Variants in MR1 observed in about 807,000 individuals in gnomAD.
The protein encoded by MR1 is major histocompatibility complex class I-related protein 1.
Under a neutral mutation model 37.8 loss-of-function variants are expected in MR1, and 44 were observed. The observed-to-expected ratio is 1.16, with a 90% CI of 0.91 to 1.50. The LOEUF (loss-of-function observed/expected upper bound fraction) is 1.50. Among genes scored for constraint, MR1 ranks in the 40% most tolerant of loss-of-function variants. The probability of loss-of-function intolerance (pLI) is 0.00; values close to 1 mark genes in which losing one functional copy is unlikely to be tolerated. For synonymous variants in MR1, 153 were observed against 155.8 expected (o/e 0.98, Z 0.13); for missense variants, 386 against 419.1 (o/e 0.92, Z 0.69).
Position 181,049,637 on chromosome 1 carries a change from T to C in MR1, c.328+325T>C, listed in dbSNP as rs926144282. On this transcript the variant is annotated intron_variant, in intron 2 of 5. Coordinates refer to ENST00000367580, the MANE Select transcript of MR1 (RefSeq NM_001385161.1). ...GCCCATTCTGCGTCTCACTTCCTGG[T>C]AGTCAGGCCTAGTGACTTGCTTATG... 40 of 488,498 alleles carry C rather than the reference T, an allele frequency of 8.2e-5. No individual in the cohort carries two copies. The Admixed American group carries it at 1.2e-3, about 15-fold the overall frequency. 30.3% of individuals were successfully genotyped at this position (488,498 alleles called of 1,614,324 possible).
Position 181,049,000 on chromosome 1 carries a change from G to C in MR1, c.68-52G>C, listed in dbSNP as rs571047657. On this transcript the variant is annotated intron_variant, in intron 1 of 5. Transcript: ENST00000367580. Reference sequence around the variant, plus strand: ...TGGGGCTAAATGAATGCAGTTGAAGGATCTGGATCATCTGGGACCCTACAT... The same window carrying C: ...TGGGGCTAAATGAATGCAGTTGAAGCATCTGGATCATCTGGGACCCTACAT... 2.4e-5 allele frequency: 38 copies of C among 1,582,212 alleles called. No individual in the cohort carries two copies. In the African/African-American group the frequency reaches 4.2e-4, roughly 17 times the overall value.
intron 1 of MR1, among the ~76,000 whole-genome samples, chr1:181,035,946 C>A (rs1657246047): frequency 6.6e-6 from 1 of 152,134 alleles, no homozygotes; most frequent in African/African-American, 2.4e-5. Context: ...AGAGTGCATC[C>A]TTCTCTGTTC....
rs1364550676 is a variant in MR1, at chr1:181,058,851, T to C, written c.*3586T>C. The C allele has an allele frequency of 2.6e-5, 4 of 152,244 alleles. No individual in the cohort carries two copies. Among genetic ancestry groups the C allele is most frequent in the Non-Finnish European group, 5.9e-5 (4 of 68,050 alleles). 9.4% of individuals were successfully genotyped at this position (152,244 alleles called of 1,614,324 possible). ...AATTTACTGTGAGAAACACAATTGC[T>C]AAGTGGGTCAGATATCTGTCTCAGC... On this transcript the variant is annotated 3_prime_UTR_variant, in exon 6 of 6. Coordinates refer to ENST00000367580, the MANE Select transcript of MR1 (RefSeq NM_001385161.1).
intron 5 of MR1, among the ~76,000 whole-genome samples, 178 bp from the exon 6 acceptor site, chr1:181,055,044 CTTT>C (rs1037146193): frequency 1.3e-5 from 2 of 152,158 alleles, no homozygotes; most frequent in African/African-American, 4.8e-5. Context: ...TGAGTTCCTG[CTTT>C]TTATCTTATA....
Position 181,052,351 on chromosome 1 carries a change from G to T in MR1, c.721G>T (p.Glu241Ter). 6.2e-7 allele frequency: 1 copy of T among 1,614,158 alleles called. No homozygotes were observed. Among genetic ancestry groups the T allele is most frequent in the Non-Finnish European group, 8.5e-7 (1 of 1,180,032 alleles). ...TTACATGACATGGATGAAAAACGGG[G>T]AAGAAATTGTCCAAGAAATTGATTA... ...EIYMTWMKNG[E>*]EIVQEIDYGD... Residue 241 changes from glutamate to a stop codon, truncating the protein, a stop_gained, in exon 4 of 6, where the codon GAA becomes TAA. Transcript: ENST00000367580. LOFTEE classifies it high-confidence loss of function.
intron 1 of MR1, among the ~76,000 whole-genome samples, chr1:181,042,117 T>A (rs1012743843): frequency 6.6e-6 from 1 of 152,104 alleles, no homozygotes; most frequent in Admixed American, 6.6e-5. Flanking sequence ...CAAAATCAAT[T>A]GCAGAATATA....
chr1:181,047,974 T>C (rs989519813), intron 1 of MR1, among the ~76,000 whole-genome samples: 2 of 150,824 alleles, frequency 1.3e-5, no homozygotes, highest in African/African-American at 2.4e-5. Context: ...TCCCAGCACT[T>C]TGGGAGGCCG....
chr1:181,036,038 T>C (rs1488977218), intron 1 of MR1, among the ~76,000 whole-genome samples: 1 of 151,938 alleles, frequency 6.6e-6, no homozygotes, highest in Non-Finnish European at 1.5e-5. Flanking sequence ...GTTCATACAA[T>C]GGGAGACACT....
intron 1 of MR1, among the ~76,000 whole-genome samples, chr1:181,048,740 G>C (rs1658087594): frequency 6.6e-6 from 1 of 152,082 alleles, no homozygotes. Context: ...CCCAATGAGT[G>C]GTCTTCTCCC....
intron 1 of MR1, chr1:181,036,903 A>G (rs1339206014): frequency 6.6e-6 from 1 of 152,240 alleles, no homozygotes. Context: ...AGTAATAACG[A>G]CTGCAAATTC....
intron 1 of MR1, among the ~76,000 whole-genome samples, chr1:181,034,410 T>A (rs1471676920): frequency 6.6e-6 from 1 of 152,194 alleles, no homozygotes; most frequent in Non-Finnish European, 1.5e-5. Context: ...CAGAGTCTCA[T>A]GAGGATGTAG....
At position 181,055,318 on chromosome 1, in the gene MR1, T is replaced by C. The variant is rs1034155735; in HGVS notation, c.*53T>C. ...TTCCTCTAGGAGCCATGTTATCCTC[T>C]GTCCCCCATAGAGTCAAGCCTAGTG... On this transcript the variant is annotated 3_prime_UTR_variant, in exon 6 of 6. Transcript: ENST00000367580. 9 of 1,531,118 alleles carry C rather than the reference T, an allele frequency of 5.9e-6. No homozygotes were observed. The African/African-American group carries it at 1.2e-4, about 21-fold the overall frequency. The allele number at this position is 1,531,118 out of a possible 1,614,324, so 94.8% of individuals were successfully genotyped here. A position where few individuals can be genotyped will look rare whatever the true frequency, so the allele number is the denominator to read the frequency against.
chr1:181,058,360 G>A lies in MR1; in HGVS notation c.*3095G>A, dbSNP rs1327822770. 8.5e-6 allele frequency: 1 copy of A among 117,532 alleles called. No homozygotes were observed. Among genetic ancestry groups the A allele is most frequent in the Non-Finnish European group, 1.8e-5 (1 of 54,834 alleles). 7.3% of individuals were successfully genotyped at this position (117,532 alleles called of 1,614,324 possible). ...TTTATTACCTGTTTTTGTTTTTTTT[G>A]TTTGTTTGTTTTTGATGTGCATATA... is the stretch of plus-strand genomic sequence containing the variant. On this transcript the variant is annotated 3_prime_UTR_variant, in exon 6 of 6. Coordinates refer to ENST00000367580, the MANE Select transcript of MR1 (RefSeq NM_001385161.1).
rs377066166 is a variant in MR1 at position 181,052,446 on chromosome 1, C to A, written c.816C>A (p.Ser272Arg). 4 of 1,614,182 alleles carry A rather than the reference C, an allele frequency of 2.5e-6. No homozygotes were observed. The highest frequency in any genetic ancestry group is 1.7e-6 in the Non-Finnish European group (2 of 1,180,040). ...AWASIELDPQ[S>R]SNLYSCHVEH... ...CATCAATTGAGCTTGATCCTCAGAG[C>A]AGCAACCTTTACTCCTGTCATGTGG... is the stretch of plus-strand genomic sequence containing the variant. The change falls in exon 4 of 6, where the codon AGC (serine) becomes AGA (arginine). Residue 272 changes from serine (S) to arginine (R), a missense_variant. Coordinates refer to ENST00000367580, the MANE Select transcript of MR1 (RefSeq NM_001385161.1).
chr1:181,037,774 C>T (rs1339906293), intron 1 of MR1, among the ~76,000 whole-genome samples: 1 of 152,020 alleles, frequency 6.6e-6, no homozygotes, highest in African/African-American at 2.4e-5. Flanking sequence ...TTTATAAAAT[C>T]GGGATTTTCT....
chr1:181,049,878 C>T (rs937553619), intron 2 of MR1, 133 bp from the exon 3 acceptor site: 17 of 1,041,636 alleles, frequency 1.6e-5, no homozygotes, highest in African/African-American at 8.0e-5. Context: ...GGGGACTCAG[C>T]GATGCCATGG....
rs1260816542 is a variant in MR1 at position 181,055,513 on chromosome 1, T to C, written c.*248T>C. The C allele has an allele frequency of 1.2e-5, 6 of 521,032 alleles. No homozygotes were observed. In the East Asian group the frequency reaches 1.9e-4, roughly 16 times the overall value. The allele number at this position is 521,032 out of a possible 1,614,324, so 32.3% of individuals were successfully genotyped here. A position where few individuals can be genotyped will look rare whatever the true frequency, so the allele number is the denominator to read the frequency against. On this transcript the variant is annotated 3_prime_UTR_variant, in exon 6 of 6. Coordinates refer to ENST00000367580, the MANE Select transcript of MR1 (RefSeq NM_001385161.1). The stretch of plus-strand genomic sequence containing the variant: ...TATCAGAGTTGACTTTAAATACAGC[T>C]TGTCTCATGACACAACGCTTCCCTA...
At chr1:181,048,989 T>C in intron 1 of MR1, 63 bp from the exon 2 acceptor site, 1 of 1,565,454 alleles carries the variant, frequency 6.4e-7, no homozygotes, top group South Asian at 1.2e-5. Flanking sequence ...GCTAAATGAA[T>C]GCAGTTGAAG....
chr1:181,039,923 A>G (rs1460315496), intron 1 of MR1, among the ~76,000 whole-genome samples: 4 of 152,028 alleles, frequency 2.6e-5, no homozygotes, highest in African/African-American at 7.2e-5. Context: ...TGAAGTGAAA[A>G]CACTTCATCA....
Sources: allele counts gnomAD v4.1 joint callset (sites outside exome capture counted in the v4.1 genomes callset), GRCh38; gene constraint gnomAD v4.1.1; transcripts MANE v1.5; gene names NCBI Gene and HGNC (gene_info 2026-07-23, HGNC 2026-07-21).